NAT8: variants seen among roughly 807,000 people sequenced by gnomAD.
NAT8 encodes N-acetyltransferase 8.
For synonymous variants in NAT8, 131 were observed against 115.4 expected, an observed-to-expected ratio of 1.14 and a Z score of -0.87; for missense variants, 357 against 287.1, an observed-to-expected ratio of 1.24 and a Z score of -1.76.
In NAT8 at chr2:73,641,380, C is replaced by T. The variant is rs149442492; in HGVS notation, c.249G>A (p.Thr83=). The T allele has an allele frequency of 2.0e-4, 322 of 1,614,058 alleles. 2 individuals are homozygous for T. The African/African-American group carries it at 3.1e-3, about 16-fold the overall frequency. The change falls in exon 2 of 2, where the codon ACG becomes ACA. Residue 83 remains threonine (T), a synonymous_variant. Transcript: ENST00000272425. ...ALWFLAKKPW[T]EYVDMTLCTD... ...TGCACAATGTCATGTCCACATACTC[C>T]GTCCAGGGTTTTTTGGCAAGGAACC...
rs752092584 is a variant in NAT8 at position 73,641,385 on chromosome 2, A to G, written c.244T>C (p.Trp82Arg). ...AATGTCATGTCCACATACTCCGTCCAGGGTTTTTTGGCAAGGAACCACAGG... is the reference window on the plus strand; with the variant it reads ...AATGTCATGTCCACATACTCCGTCCGGGGTTTTTTGGCAAGGAACCACAGG... ...PALWFLAKKPWTEYVDMTLCT... is the reference protein window; with the variant it reads ...PALWFLAKKPRTEYVDMTLCT... The change falls in exon 2 of 2, where the codon TGG becomes CGG. Residue 82 changes from tryptophan (W) to arginine (R), a missense_variant. Coordinates refer to ENST00000272425, the MANE Select transcript of NAT8 (RefSeq NM_003960.4). 2 of 1,614,106 alleles carry G rather than the reference A, an allele frequency of 1.2e-6. No homozygotes were observed. The highest frequency in any genetic ancestry group is 1.7e-6 in the Non-Finnish European group (2 of 1,180,032).
chr2:73,641,272 C>G lies in NAT8; in HGVS notation c.357G>C (p.Val119=). The G allele has an allele frequency of 1.2e-6, 2 of 1,614,132 alleles. No individual in the cohort carries two copies. The change falls in exon 2 of 2, where the codon GTG becomes GTC. Residue 119 remains valine, a synonymous_variant. Transcript: ENST00000272425. ...FWVAESEEKV[V]GMVGALPVDD... ...CAACAGGCAGAGCTCCTACCATGCC[C>G]ACCACCTTCTCTTCAGACTCAGCCA...
Position 73,640,846 on chromosome 2 carries a change from G to C in NAT8, c.*99C>G, listed in dbSNP as rs1281503440. On this transcript the variant is annotated 3_prime_UTR_variant, in exon 2 of 2. Transcript: ENST00000272425. Reference sequence around the variant, plus strand: ...GGACTCAGATGTGAATGGACAATAAGCTTTTATTGCATTGAAAGGTCATTG... The same window carrying C: ...GGACTCAGATGTGAATGGACAATAACCTTTTATTGCATTGAAAGGTCATTG... The C allele has an allele frequency of 1.6e-6, 2 of 1,280,004 alleles. No homozygotes were observed. Among genetic ancestry groups the C allele is most frequent in the African/African-American group, 3.0e-5 (2 of 66,366 alleles). The allele number at this position is 1,280,004 out of a possible 1,614,324, so 79.3% of individuals were successfully genotyped here. A position where few individuals can be genotyped will look rare whatever the true frequency, so the allele number is the denominator to read the frequency against.
In NAT8 at chr2:73,641,729, A is replaced by T. The variant is rs75374924; in HGVS notation, c.-74-27T>A. ...TGGGGAAGAGAGAGAAAATCATGTG[A>T]GTGCCTGCATGGCTCCCAGCCTTGC... On this transcript the variant is annotated intron_variant, in intron 1 of 1. Transcript: ENST00000272425. The T allele has an allele frequency of 2.7e-3, 3,710 of 1,391,906 alleles. 5 individuals are homozygous for T. Among genetic ancestry groups the T allele is most frequent in the Non-Finnish European group, 3.2e-3 (3,326 of 1,033,476 alleles). The allele number at this position is 1,391,906 out of a possible 1,614,324, so 86.2% of individuals were successfully genotyped here.
rs2103668756 is a variant in NAT8 at position 73,641,336 on chromosome 2, G to A, written c.293C>T (p.Thr98Ile). 3 of 1,614,120 alleles carry A rather than the reference G, an allele frequency of 1.9e-6. No homozygotes were observed. Among genetic ancestry groups the A allele is most frequent in the East Asian group, 4.5e-5 (2 of 44,884 alleles). Residue 98 changes from threonine (T) to isoleucine (I), a missense_variant, in exon 2 of 2, where the codon ACC (threonine) becomes ATC (isoleucine). Physicochemically the swap from Thr to Ile is moderately conservative, Grantham distance 89. Transcript: ENST00000272425. The part of the protein sequence containing the change: ...MTLCTDMSDI[T>I]KSYLSERGSC... ...GCCACGCTCACTCAGGTAGGATTTG[G>A]TAATGTCAGACATGTCTGTGCACAA...
In NAT8 at chr2:73,641,119, G is replaced by A. The variant is rs755794477; in HGVS notation, c.510C>T (p.Tyr170=). ...TGCCGGTGTCCAGGATAACTTCACT[G>A]TAGCCCTGGTCCCGGGCAAACTGGA... ...TVLQFARDQG[Y]SEVILDTGTI... The change falls in exon 2 of 2, where the codon TAC becomes TAT. Residue 170 remains tyrosine, a synonymous_variant. Coordinates refer to ENST00000272425, the MANE Select transcript of NAT8 (RefSeq NM_003960.4). The A allele has an allele frequency of 9.7e-5, 157 of 1,614,032 alleles. 3 individuals carry two copies. The Admixed American group carries it at 2.3e-3, about 24-fold the overall frequency.
rs1062873 is a variant in NAT8, at chr2:73,640,953, T to G, written c.676A>C (p.Ser226Arg). 3.7e-6 allele frequency: 6 copies of G among 1,609,848 alleles called. No individual in the cohort carries two copies. The highest frequency in any genetic ancestry group is 4.2e-6 in the Non-Finnish European group (5 of 1,177,964). Residue 226 changes from serine (S) to arginine (R), a missense_variant, in exon 2 of 2, where the codon AGT becomes CGT. Coordinates refer to ENST00000272425, the MANE Select transcript of NAT8 (RefSeq NM_003960.4). ...IYHLPSSKVG[S>R]L Reference sequence around the variant, plus strand: ...ATACACACAGAAAGAGATCACAGACTCCCTACCTTAGAAGAAGGGAGGTGG... The same window carrying G: ...ATACACACAGAAAGAGATCACAGACGCCCTACCTTAGAAGAAGGGAGGTGG...
Position 73,641,340 on chromosome 2 carries a change from T to C in NAT8, c.289A>G (p.Ile97Val). ...CGCTCACTCAGGTAGGATTTGGTAA[T>C]GTCAGACATGTCTGTGCACAATGTC... ...DMTLCTDMSD[I>V]TKSYLSERGS... Residue 97 changes from isoleucine to valine, a missense_variant, in exon 2 of 2, where the codon ATT becomes GTT. Physicochemically the swap from Ile to Val is conservative, Grantham distance 29. Transcript: ENST00000272425. 1 of 1,614,064 alleles carries C rather than the reference T, an allele frequency of 6.2e-7. No individual in the cohort carries two copies. The highest frequency in any genetic ancestry group is 2.2e-5 in the East Asian group (1 of 44,874).
In NAT8 at chr2:73,640,868, AT is replaced by A; in HGVS notation, c.*76del. On this transcript the variant is annotated 3_prime_UTR_variant, in exon 2 of 2. Coordinates refer to ENST00000272425, the MANE Select transcript of NAT8 (RefSeq NM_003960.4). ...TAAGCTTTTATTGCATTGAAAGGTCATTGCAGTGAAAGGTTGGGGATTGCTT... is the reference window on the plus strand; with the variant it reads ...TAAGCTTTTATTGCATTGAAAGGTCATGCAGTGAAAGGTTGGGGATTGCTT... 1 of 1,414,470 alleles carries A rather than the reference AT, an allele frequency of 7.1e-7. No homozygotes were observed. Among genetic ancestry groups the A allele is most frequent in the Non-Finnish European group, 9.5e-7 (1 of 1,051,000 alleles). 87.6% of individuals were successfully genotyped at this position (1,414,470 alleles called of 1,614,324 possible).
intron 1 of NAT8, among the ~76,000 whole-genome samples, chr2:73,642,047 T>C (rs1676413424): frequency 6.6e-6 from 1 of 152,116 alleles, no homozygotes; most frequent in Non-Finnish European, 1.5e-5. Context: ...TTTTTCTGTT[T>C]CCTTTTTCTG....
In NAT8 at chr2:73,640,957, T is replaced by A; in HGVS notation, c.672A>T (p.Val224=). The part of the protein sequence containing the change: ...HFIYHLPSSK[V]GSL ...ACACAGAAAGAGATCACAGACTCCC[T>A]ACCTTAGAAGAAGGGAGGTGGTAGA... Residue 224 remains valine, a synonymous_variant, in exon 2 of 2, where the codon GTA becomes GTT. Coordinates refer to ENST00000272425, the MANE Select transcript of NAT8 (RefSeq NM_003960.4). 3 of 1,611,136 alleles carry A rather than the reference T, an allele frequency of 1.9e-6. No homozygotes were observed. Among genetic ancestry groups the A allele is most frequent in the Non-Finnish European group, 2.5e-6 (3 of 1,178,588 alleles).
At chr2:73,641,837 G>C (rs1327786153) in intron 1 of NAT8, 135 bp from the exon 2 acceptor site, 4 of 557,594 alleles carry the variant, frequency 7.2e-6, no homozygotes, top group East Asian at 3.0e-5. Flanking sequence ...GAGAAGGTAG[G>C]GTCAGAAAGA....
chr2:73,641,528 C>A lies in NAT8; in HGVS notation c.101G>T (p.Arg34Leu). 1 of 1,613,142 alleles carries A rather than the reference C, an allele frequency of 6.2e-7. No homozygotes were observed. The highest frequency in any genetic ancestry group is 8.5e-7 in the Non-Finnish European group (1 of 1,179,592). Residue 34 changes from arginine to leucine, a missense_variant, in exon 2 of 2, where the codon CGG becomes CTG. Transcript: ENST00000272425. ...GMAEHAPATF[R>L]QLLKLPRTLI... ...GGTTCGAGGCAGCTTCAGCAATTGCCGGAAGGTGGCTGGGGCATGCTCGGC... is the reference window on the plus strand; with the variant it reads ...GGTTCGAGGCAGCTTCAGCAATTGCAGGAAGGTGGCTGGGGCATGCTCGGC...
rs758553512 is a variant in NAT8, at chr2:73,640,944, A to C, written c.*1T>G. 6.2e-7 allele frequency: 1 copy of C among 1,605,418 alleles called. No individual in the cohort carries two copies. The highest frequency in any genetic ancestry group is 8.5e-7 in the Non-Finnish European group (1 of 1,175,980). The stretch of plus-strand genomic sequence containing the variant: ...TTCTGACCAATACACACAGAAAGAG[A>C]TCACAGACTCCCTACCTTAGAAGAA... On this transcript the variant is annotated 3_prime_UTR_variant, in exon 2 of 2. Coordinates refer to ENST00000272425, the MANE Select transcript of NAT8 (RefSeq NM_003960.4).
At position 73,641,252 on chromosome 2, in the gene NAT8, G is replaced by C; in HGVS notation, c.377C>G (p.Pro126Arg). 6.2e-7 allele frequency: 1 copy of C among 1,614,124 alleles called. No homozygotes were observed. Among genetic ancestry groups the C allele is most frequent in the Non-Finnish European group, 8.5e-7 (1 of 1,180,038 alleles). The change falls in exon 2 of 2, where the codon CCT becomes CGT. Residue 126 changes from proline to arginine, a missense_variant. Transcript: ENST00000272425. ...EKVVGMVGAL[P>R]VDDPTLREKR... ...CTCCCTCAAGGTGGGATCATCAACAGGCAGAGCTCCTACCATGCCCACCAC... is the reference window on the plus strand; with the variant it reads ...CTCCCTCAAGGTGGGATCATCAACACGCAGAGCTCCTACCATGCCCACCAC...
In NAT8 at chr2:73,641,163, C is replaced by A. The variant is rs757075931; in HGVS notation, c.466G>T (p.Ala156Ser). The change falls in exon 2 of 2, where the codon GCC (alanine) becomes TCC (serine). Residue 156 changes from alanine to serine, a missense_variant. Transcript: ENST00000272425. ...AACTGGAGGACAGTCCTGACCAGGG[C>A]TTTTGCTATCCCCTGACGACGGTGC... The part of the protein sequence containing the change: ...SEHRRQGIAK[A>S]LVRTVLQFAR... The A allele has an allele frequency of 9.3e-6, 15 of 1,614,010 alleles. No homozygotes were observed. The highest frequency in any genetic ancestry group is 1.3e-5 in the Non-Finnish European group (15 of 1,180,034).
chr2:73,641,569 C>A lies in NAT8; in HGVS notation c.60G>T (p.Leu20Phe). The A allele has an allele frequency of 6.3e-7, 1 of 1,597,654 alleles. No homozygotes were observed. Among genetic ancestry groups the A allele is most frequent in the Non-Finnish European group, 8.5e-7 (1 of 1,171,852 alleles). Residue 20 changes from leucine to phenylalanine, a missense_variant, in exon 2 of 2, where the codon TTG becomes TTT. Physicochemically the swap from Leu to Phe is conservative, Grantham distance 22 (BLOSUM62 0). Transcript: ENST00000272425. ...QESDRQWVVG[L>F]LSRGMAEHAP... ...CATGCTCGGCCATCCCCCGGGAGAG[C>A]AAGCCCACAACCCACTGGCGGTCGC...
chr2:73,640,904 G>C lies in NAT8; in HGVS notation c.*41C>G. 1 of 1,549,136 alleles carries C rather than the reference G, an allele frequency of 6.5e-7. No individual in the cohort carries two copies. The highest frequency in any genetic ancestry group is 8.7e-7 in the Non-Finnish European group (1 of 1,147,486). On this transcript the variant is annotated 3_prime_UTR_variant, in exon 2 of 2. Transcript: ENST00000272425. ...AGGTTGGGGATTGCTTGCTGCTACA[G>C]CTGAATGGATTCTATTCTGACCAAT... is the stretch of plus-strand genomic sequence containing the variant.
At position 73,640,905 on chromosome 2, in the gene NAT8, C is replaced by A; in HGVS notation, c.*40G>T. The A allele has an allele frequency of 6.5e-7, 1 of 1,550,232 alleles. No individual in the cohort carries two copies. The highest frequency in any genetic ancestry group is 8.7e-7 in the Non-Finnish European group (1 of 1,148,262). Reference sequence around the variant, plus strand: ...GGTTGGGGATTGCTTGCTGCTACAGCTGAATGGATTCTATTCTGACCAATA... The same window carrying A: ...GGTTGGGGATTGCTTGCTGCTACAGATGAATGGATTCTATTCTGACCAATA... On this transcript the variant is annotated 3_prime_UTR_variant, in exon 2 of 2. Transcript: ENST00000272425.
Sources: gnomAD v4.1 joint callset for allele counts (sites outside exome capture counted in the v4.1 genomes callset) on GRCh38, gnomAD v4.1.1 for gene constraint, MANE v1.5 for transcripts, NCBI Gene and HGNC (gene_info 2026-07-23, HGNC 2026-07-21) for gene names.